Variants in ITK observed in about 807,000 individuals in gnomAD.
ITK encodes tyrosine-protein kinase ITK/TSK.
A neutral mutation model predicts 87.6 loss-of-function variants in ITK; 45 were observed. The observed-to-expected ratio is 0.51, with a 90% CI of 0.40 to 0.66. The LOEUF is 0.66. ITK is among the 30% of genes least tolerant of loss of function. The pLI, the probability that ITK is intolerant of heterozygous loss-of-function variation, is 0.00. For synonymous variants in ITK, 303 were observed against 273.6 expected, an observed-to-expected ratio of 1.11 and a Z score of -1.06; for missense variants, 605 against 766.3, an observed-to-expected ratio of 0.79 and a Z score of 2.48.
At chr5:157,212,857 A>G (rs1370837035) in intron 3 of ITK, among the ~76,000 whole-genome samples, 2 of 151,534 alleles carry the variant, frequency 1.3e-5, no homozygotes, top group Non-Finnish European at 2.9e-5. Flanking sequence ...ACCAAAAAAA[A>G]AAGAAGAAAA....
chr5:157,249,924 T>A (rs895447742), intron 16 of ITK, among the ~76,000 whole-genome samples: 4 of 152,204 alleles, frequency 2.6e-5, no homozygotes, highest in African/African-American at 9.7e-5. Context: ...TTAACCATCA[T>A]TTATTGATTT....
At chr5:157,226,810 G>A (rs538682306) in intron 6 of ITK, among the ~76,000 whole-genome samples, 30 of 151,792 alleles carry the variant, frequency 2.0e-4, no homozygotes, top group Non-Finnish European at 3.4e-4. Context: ...TTGTTTTTTT[G>A]TTTTTTTGAG....
At position 157,238,156 on chromosome 5, in the gene ITK, A is replaced by G. The variant is rs1368516706; in HGVS notation, c.816A>G (p.Thr272=). 3.7e-6 allele frequency: 6 copies of G among 1,614,006 alleles called. No individual in the cohort carries two copies. The highest frequency in any genetic ancestry group is 1.7e-4 in the Middle Eastern group (1 of 6,060). The change falls in exon 9 of 17, where the codon ACA becomes ACG. Residue 272 remains threonine (T), a synonymous_variant. Transcript: ENST00000422843. ...FMVRDSRTAG[T]YTVSVFTKAV... The stretch of plus-strand genomic sequence containing the variant: ...TAAGGGATTCCAGGACTGCAGGAAC[A>G]TACACCGTGTCTGTTTTCACCAAGG...
chr5:157,216,024 G>A (rs772468433), intron 4 of ITK, among the ~76,000 whole-genome samples: 2 of 152,168 alleles, frequency 1.3e-5, no homozygotes, highest in African/African-American at 2.4e-5. Context: ...CACTCTTGGG[G>A]TCCTGCTGTG....
intron 1 of ITK, among the ~76,000 whole-genome samples, chr5:157,203,906 A>G (rs994215470): frequency 3.3e-5 from 5 of 152,008 alleles, no homozygotes; most frequent in African/African-American, 1.2e-4. Context: ...AGACAAATAT[A>G]CTCCAAATGA....
Position 157,252,592 on chromosome 5 carries a change from T to C in ITK, c.1792-15T>C, listed in dbSNP as rs1755163025. On this transcript the variant is annotated splice_polypyrimidine_tract_variant and intron_variant, in intron 16 of 16. Coordinates refer to ENST00000422843, the MANE Select transcript of ITK (RefSeq NM_005546.4). ...AAGTACAAGGAACTTACAGAGTTCT[T>C]TTTTCCCTCTCCAGAGACCAGAAGA... 3 of 1,610,110 alleles carry C rather than the reference T, an allele frequency of 1.9e-6. No individual in the cohort carries two copies. The East Asian group carries it at 6.7e-5, about 36-fold the overall frequency.
intron 1 of ITK, among the ~76,000 whole-genome samples, chr5:157,191,749 A>G (rs1055260440): frequency 2.6e-5 from 4 of 152,182 alleles, no homozygotes; most frequent in Admixed American, 6.5e-5. Context: ...TATTTTATAT[A>G]CGTGGAGGAA....
intron 13 of ITK, chr5:157,244,816 G>T (rs929712390): frequency 1.7e-5 from 6 of 348,672 alleles, no homozygotes; most frequent in Non-Finnish European, 3.4e-5. Flanking sequence ...ATTATTCAAG[G>T]GTCTACCAGA....
intron 5 of ITK, among the ~76,000 whole-genome samples, chr5:157,219,198 C>T (rs1227433052): frequency 2.0e-5 from 3 of 151,370 alleles, no homozygotes; most frequent in South Asian, 2.1e-4. Context: ...CTGCAACCTC[C>T]GCCTCCCAGG....
chr5:157,241,835 G>A (rs1754914803), intron 11 of ITK, 115 bp downstream of exon 11: 2 of 736,200 alleles, frequency 2.7e-6, no homozygotes, highest in Non-Finnish European at 2.4e-6. Flanking sequence ...ATTAAAACAA[G>A]TGTATTATAT....
At chr5:157,221,600 A>C (rs79597224) in intron 5 of ITK, among the ~76,000 whole-genome samples, 1 of 152,168 alleles carries the variant, frequency 6.6e-6, no homozygotes. Context: ...AGAAAAAAAA[A>C]TACATGTCCA....
intron 15 of ITK, among the ~76,000 whole-genome samples, chr5:157,246,203 G>C (rs528358034): frequency 6.6e-6 from 1 of 152,304 alleles, no homozygotes; most frequent in Admixed American, 6.5e-5. Flanking sequence ...TGGACATGGT[G>C]GTGGGAGTTA....
At chr5:157,214,093 C>T (rs1754248340) in intron 3 of ITK, 98 bp from the exon 4 acceptor site, 1 of 941,412 alleles carries the variant, frequency 1.1e-6, no homozygotes. Context: ...CTCATTCAGG[C>T]TCACTCAGCC....
chr5:157,241,939 G>A (rs1432061630), intron 11 of ITK, among the ~76,000 whole-genome samples: 1 of 152,184 alleles, frequency 6.6e-6, no homozygotes, highest in East Asian at 1.9e-4. Flanking sequence ...GTGGCCATTG[G>A]TTTTAGTGAA....
intron 8 of ITK, among the ~76,000 whole-genome samples, chr5:157,237,527 T>TA (rs976369924): frequency 6.6e-6 from 1 of 152,186 alleles, no homozygotes; most frequent in Non-Finnish European, 1.5e-5. Context: ...TCCCTGAATC[T>TA]AAAAAATTTT....
chr5:157,214,280 C>T lies in ITK; in HGVS notation c.415C>T (p.Leu139Phe). ...GAGGTGCTGTTCTCAGCTGGAGAAG[C>T]TTGCAACAGGCTGTGCCCAATATGA... ...KWRCCSQLEK[L>F]ATGCAQYDPT... The change falls in exon 4 of 17, where the codon CTT (leucine) becomes TTT (phenylalanine). Residue 139 changes from leucine to phenylalanine, a missense_variant. Leu to Phe is a conservative substitution (Grantham distance 22). Transcript: ENST00000422843. 2 of 1,612,768 alleles carry T rather than the reference C, an allele frequency of 1.2e-6. No individual in the cohort carries two copies. Among genetic ancestry groups the T allele is most frequent in the Non-Finnish European group, 8.5e-7 (1 of 1,178,722 alleles).
intron 1 of ITK, among the ~76,000 whole-genome samples, chr5:157,202,255 C>A (rs1753992296): frequency 6.6e-6 from 1 of 152,050 alleles, no homozygotes; most frequent in South Asian, 2.1e-4. Flanking sequence ...ACTCTGTCAC[C>A]CAGGCTGGAA....
At chr5:157,236,587 A>T (rs1174091192) in intron 8 of ITK, among the ~76,000 whole-genome samples, 1 of 152,160 alleles carries the variant, frequency 6.6e-6, no homozygotes, top group Non-Finnish European at 1.5e-5. Flanking sequence ...TCTAACTCTG[A>T]CCTTTACTTA....
At chr5:157,233,010 G>C (rs1754690343) in intron 8 of ITK, among the ~76,000 whole-genome samples, 2 of 152,232 alleles carry the variant, frequency 1.3e-5, no homozygotes, top group South Asian at 4.1e-4. Context: ...CATGCAGTGT[G>C]CATAGCAGGA....
Sources: gnomAD v4.1 joint callset for allele counts (sites outside exome capture counted in the v4.1 genomes callset) on GRCh38, gnomAD v4.1.1 for gene constraint, MANE v1.5 for transcripts, NCBI Gene and HGNC (gene_info 2026-07-23, HGNC 2026-07-21) for gene names.